Variants in VAMP7 observed in about 807,000 individuals in gnomAD.
VAMP7 encodes vesicle associated membrane protein 7, also known as vesicle-associated membrane protein 7.
VAMP7 carries 14 observed loss-of-function variants against 29.6 expected under a neutral mutation model. That is an observed-to-expected ratio of 0.47 (90% CI 0.31 to 0.74). VAMP7 has a LOEUF of 0.74. Among genes scored for constraint, VAMP7 ranks in the 30% least tolerant of loss-of-function variants. VAMP7 has a pLI of 0.05. For synonymous variants in VAMP7, 95 were observed against 88.1 expected (o/e 1.08, Z -0.44); for missense variants, 223 against 262.4 (o/e 0.85, Z 1.04).
At chrX:155,920,170 G>T (rs998560869) in intron 6 of VAMP7, among the ~76,000 whole-genome samples, 2 of 152,136 alleles carry the variant, frequency 1.3e-5, no homozygotes, top group African/African-American at 4.8e-5. Context: ...CACCTCAACT[G>T]CATGTAACAG....
At chrX:155,905,712 A>G (rs1455985157) in intron 5 of VAMP7, among the ~76,000 whole-genome samples, 1 of 152,146 alleles carries the variant, frequency 6.6e-6, no homozygotes, top group Non-Finnish European at 1.5e-5. Flanking sequence ...TTAGTTATCA[A>G]TGGATGTATA....
chrX:155,920,005 A>G, intron 6 of VAMP7, 125 bp downstream of exon 6: 3 of 744,510 alleles, frequency 4.0e-6, no homozygotes, highest in East Asian at 2.6e-5. Context: ...TCTCATTTCC[A>G]TTATGTGATT....
At chrX:155,886,346 CAG>C (rs1295850833) in intron 1 of VAMP7, among the ~76,000 whole-genome samples, 1 of 152,084 alleles carries the variant, frequency 6.6e-6, no homozygotes, top group Non-Finnish European at 1.5e-5. Context: ...AGCAGTATAG[CAG>C]AGAGGAAGGA....
chrX:155,921,628 G>A (rs1184898106), intron 6 of VAMP7, among the ~76,000 whole-genome samples: 1 of 151,182 alleles, frequency 6.6e-6, no homozygotes, highest in Non-Finnish European at 1.5e-5. Flanking sequence ...TTCTCTGTGG[G>A]GCTTTATTTC....
intron 5 of VAMP7, among the ~76,000 whole-genome samples, chrX:155,904,630 T>G (rs1027853389): frequency 2.0e-5 from 3 of 151,986 alleles, no homozygotes; most frequent in Non-Finnish European, 4.4e-5. Context: ...TAATTCCCTT[T>G]TCTTCTTCAT....
At chrX:155,941,856 A>G in intron 7 of VAMP7, 27 bp from the exon 8 acceptor site, 2 of 1,607,608 alleles carry the variant, frequency 1.2e-6, no homozygotes, top group Non-Finnish European at 1.7e-6. Flanking sequence ...ATTCAAGAAA[A>G]TAAAATTGCT....
chrX:155,898,124 TC>T lies in VAMP7; in HGVS notation c.220del (p.Arg74GlufsTer6), dbSNP rs768925820. ...LCITDDDFER[S>X]RAFNFLNEIK... is the part of the protein sequence containing the mutation. Reference sequence around the variant, plus strand: ...GATCTCTTTTCAGGATTTTGAACGTTCCCGAGCCTTTAATTTTCTGAATGAG... The same window carrying T: ...GATCTCTTTTCAGGATTTTGAACGTTCCGAGCCTTTAATTTTCTGAATGAG... On this transcript the variant is annotated frameshift_variant, in exon 4 of 8. Coordinates refer to ENST00000286448, the MANE Select transcript of VAMP7 (RefSeq NM_005638.6). LOFTEE classifies it high-confidence loss of function. 5 of 1,612,364 alleles carry T rather than the reference TC, an allele frequency of 3.1e-6. No individual in the cohort carries two copies. The highest frequency in any genetic ancestry group is 1.1e-5 in the South Asian group (1 of 90,904).
intron 7 of VAMP7, among the ~76,000 whole-genome samples, chrX:155,940,435 G>T (rs1304335543): frequency 6.6e-6 from 1 of 152,144 alleles, no homozygotes; most frequent in African/African-American, 2.4e-5. Context: ...GAGAAGAGCA[G>T]TCATAGATCT....
chrX:155,928,486 C>T (rs2066502350), intron 6 of VAMP7, among the ~76,000 whole-genome samples: 1 of 152,276 alleles, frequency 6.6e-6, no homozygotes, highest in Admixed American at 6.5e-5. Context: ...CAGGTGGCTG[C>T]CAGTATTTCT....
At chrX:155,913,941 T>A (rs2066274602) in intron 5 of VAMP7, among the ~76,000 whole-genome samples, 1 of 152,186 alleles carries the variant, frequency 6.6e-6, no homozygotes, top group Non-Finnish European at 1.5e-5. Context: ...GGGGATAGCA[T>A]TGAATCTATA....
At chrX:155,888,695 T>G (rs2065893573) in intron 1 of VAMP7, among the ~76,000 whole-genome samples, 1 of 152,176 alleles carries the variant, frequency 6.6e-6, no homozygotes, top group Non-Finnish European at 1.5e-5. Flanking sequence ...ACCATTCCTT[T>G]CTTGTGGAAG....
chrX:155,933,357 A>G (rs1296388843), intron 6 of VAMP7, among the ~76,000 whole-genome samples: 2 of 152,050 alleles, frequency 1.3e-5, no homozygotes, highest in Non-Finnish European at 1.5e-5. Context: ...TTGGTAAGCT[A>G]TTAATTATTG....
chrX:155,908,242 G>A (rs1266995412), intron 5 of VAMP7, among the ~76,000 whole-genome samples: 32 of 152,212 alleles, frequency 2.1e-4, no homozygotes, highest in Admixed American at 1.2e-3. Flanking sequence ...AGCCGAGATC[G>A]CGCCACTGCA....
chrX:155,919,903 T>C, intron 6 of VAMP7, 23 bp downstream of exon 6: 2 of 1,568,354 alleles, frequency 1.3e-6, no homozygotes, highest in South Asian at 1.1e-5. Context: ...TCTGATAATA[T>C]GGAGTCTGAT....
chrX:155,889,363 A>G (rs1209603004), intron 1 of VAMP7, 95 bp from the exon 2 acceptor site: 4 of 1,486,400 alleles, frequency 2.7e-6, no homozygotes, highest in Non-Finnish European at 3.6e-6. Flanking sequence ...GTTAGATACT[A>G]TCTCCAGGTA....
At position 155,907,848 on chromosome X, in the gene VAMP7, G is replaced by A. The variant is rs183371422; in HGVS notation, c.433+7261G>A. ...GGGCTCCTCACTTCGCAGACGGGGC[G>A]GCTGCCGGGTGGAGGGTCTCCTCAC... On this transcript the variant is annotated intron_variant, in intron 5 of 7. Coordinates refer to ENST00000286448, the MANE Select transcript of VAMP7 (RefSeq NM_005638.6). 2.2e-3 allele frequency among the ~76,000 whole-genome samples: 336 copies of A among 152,220 alleles called. 4 individuals carry two copies. The highest frequency in any genetic ancestry group is 3.6e-3 in the Non-Finnish European group (245 of 68,008).
chrX:155,897,270 C>T (rs1172235509), intron 3 of VAMP7, among the ~76,000 whole-genome samples: 7 of 151,976 alleles, frequency 4.6e-5, no homozygotes, highest in African/African-American at 1.2e-4. Flanking sequence ...TTCAAAGGCC[C>T]CTTGAATTTG....
chrX:155,939,810 T>C lies in VAMP7; in HGVS notation c.594+17T>C. 6.3e-7 allele frequency: 1 copy of C among 1,578,226 alleles called. No homozygotes were observed. The highest frequency in any genetic ancestry group is 1.1e-5 in the South Asian group (1 of 90,290). On this transcript the variant is annotated intron_variant, in intron 7 of 7. Coordinates refer to ENST00000286448, the MANE Select transcript of VAMP7 (RefSeq NM_005638.6). ...GTATCAATTGTAAGTTTTTGTCCTTTTAGTGTATGGCTTTATTTTTCAATC... is the reference window on the plus strand; with the variant it reads ...GTATCAATTGTAAGTTTTTGTCCTTCTAGTGTATGGCTTTATTTTTCAATC...
At chrX:155,940,888 A>G (rs191209117) in intron 7 of VAMP7, among the ~76,000 whole-genome samples, 6 of 152,314 alleles carry the variant, frequency 3.9e-5, no homozygotes, top group African/African-American at 9.6e-5. Flanking sequence ...GGCAATATTT[A>G]TAGTTCCCTA....
Sources: gnomAD v4.1 joint callset for allele counts (sites outside exome capture counted in the v4.1 genomes callset) on GRCh38, gnomAD v4.1.1 for gene constraint, MANE v1.5 for transcripts, NCBI Gene and HGNC (gene_info 2026-07-23, HGNC 2026-07-21) for gene names.